The following RNF130 variants were observed in gnomAD, a reference collection of about 807,000 sequenced individuals.
The protein encoded by RNF130 is ring finger protein 130, also known as E3 ubiquitin-protein ligase RNF130.
A neutral mutation model predicts 44.6 loss-of-function variants in RNF130; 21 were observed. The ratio of observed to expected loss-of-function variants is 0.47; its 90% CI spans 0.33 to 0.68. The LOEUF is 0.68. Ranked by LOEUF, RNF130 falls within the 30% of genes least tolerant of loss-of-function variation. The pLI is 0.02. For synonymous variants in RNF130, 214 were observed against 210.4 expected (o/e 1.02, Z -0.15); for missense variants, 479 against 560.6 (o/e 0.85, Z 1.47).
chr5:180,003,474 T>A (rs562510315), intron 3 of RNF130, among the ~76,000 whole-genome samples: 263 of 152,348 alleles, frequency 1.7e-3, no homozygotes, highest in Non-Finnish European at 2.8e-3. Flanking sequence ...AAATATCTCT[T>A]CTCTGTGTTA....
chr5:179,915,104 G>A (rs1761523643), exon 8 of RNF130: 1 of 151,568 alleles, frequency 6.6e-6, no homozygotes, highest in Non-Finnish European at 1.5e-5. Context: ...GAGGCAGGTG[G>A]ATCATTTGAG....
intron 3 of RNF130, among the ~76,000 whole-genome samples, chr5:179,988,906 T>C (rs1414632071): frequency 4.6e-5 from 7 of 152,220 alleles, no homozygotes; most frequent in South Asian, 2.1e-4. Flanking sequence ...ATTTGGTATA[T>C]AGTACAGTTC....
chr5:179,966,680 C>T lies in RNF130; in HGVS notation c.1150+126G>A, dbSNP rs1762455822. On this transcript the variant is annotated intron_variant, in intron 7 of 8. Transcript: ENST00000521389. ...TTCCAAATACCTGTTTTAACAGCAA[C>T]ACACATCACTTTCTTGGTTACAGTC... The T allele has an allele frequency of 1.2e-5, 9 of 752,464 alleles. No individual in the cohort carries two copies. The South Asian group carries it at 1.6e-4, about 13-fold the overall frequency. 46.6% of individuals were successfully genotyped at this position (752,464 alleles called of 1,614,324 possible).
At chr5:180,058,302 G>GT (rs1282810526) in intron 1 of RNF130, among the ~76,000 whole-genome samples, 1 of 152,184 alleles carries the variant, frequency 6.6e-6, no homozygotes, top group African/African-American at 2.4e-5. Flanking sequence ...ATTTTTCAGT[G>GT]TATGTTACAG....
At chr5:180,070,989 C>G (rs888006460) in intron 1 of RNF130, among the ~76,000 whole-genome samples, 1 of 151,562 alleles carries the variant, frequency 6.6e-6, no homozygotes, top group Non-Finnish European at 1.5e-5. Context: ...ACACCCCCCC[C>G]CCAATTTACC....
chr5:180,054,170 A>G (rs1457039969), intron 1 of RNF130, among the ~76,000 whole-genome samples: 1 of 152,160 alleles, frequency 6.6e-6, no homozygotes, highest in Non-Finnish European at 1.5e-5. Flanking sequence ...TCATTTCAGT[A>G]GAACAGCTGT....
intron 7 of RNF130, among the ~76,000 whole-genome samples, chr5:179,931,625 C>T (rs535206813): frequency 1.0e-3 from 158 of 152,066 alleles, no homozygotes; most frequent in African/African-American, 3.6e-3. Context: ...AAAAATTAGC[C>T]GGGCGTGGTG....
At chr5:180,048,049 G>A (rs1043337822) in intron 1 of RNF130, among the ~76,000 whole-genome samples, 13 of 151,050 alleles carry the variant, frequency 8.6e-5, no homozygotes, top group Middle Eastern at 3.2e-3. Flanking sequence ...ATCTCATGCT[G>A]AGCAGCCCTC....
At chr5:179,975,732 GAAA>G (rs929098751) in intron 5 of RNF130, among the ~76,000 whole-genome samples, 1 of 152,152 alleles carries the variant, frequency 6.6e-6, no homozygotes, top group African/African-American at 2.4e-5. Context: ...ACCCAGTACT[GAAA>G]GACAACCAAG....
downstream of RNF130, among the ~76,000 whole-genome samples, chr5:179,952,699 T>C (rs1434709819): frequency 6.6e-6 from 1 of 152,226 alleles, no homozygotes; most frequent in Admixed American, 6.5e-5. Flanking sequence ...AAAATCAATG[T>C]AATGCACCAC....
chr5:179,947,889 TGCATGTA>T (rs766364411), intron 7 of RNF130, among the ~76,000 whole-genome samples: 111 of 152,304 alleles, frequency 7.3e-4, no homozygotes, highest in Non-Finnish European at 8.4e-4. Flanking sequence ...AGACCATATA[TGCATGTA>T]AGAATATGGG....
At chr5:180,050,532 A>T (rs978219633) in intron 1 of RNF130, among the ~76,000 whole-genome samples, 5 of 152,212 alleles carry the variant, frequency 3.3e-5, no homozygotes, top group African/African-American at 1.2e-4. Context: ...TGTCTGACCA[A>T]GTATGTGGGC....
intron 1 of RNF130, among the ~76,000 whole-genome samples, chr5:180,045,464 T>G (rs1376734725): frequency 6.6e-6 from 1 of 152,188 alleles, no homozygotes; most frequent in Non-Finnish European, 1.5e-5. Context: ...ACCCAAACAG[T>G]GAGCAGCAGC....
downstream of RNF130, among the ~76,000 whole-genome samples, chr5:179,954,888 T>A (rs1447427139): frequency 6.6e-6 from 1 of 152,236 alleles, no homozygotes; most frequent in Non-Finnish European, 1.5e-5. Flanking sequence ...AAGCATATAA[T>A]TCGATGTAAC....
chr5:179,968,111 C>G (rs567754458), intron 6 of RNF130, among the ~76,000 whole-genome samples: 2 of 151,128 alleles, frequency 1.3e-5, no homozygotes, highest in Admixed American at 6.6e-5. Context: ...CTGGCTAACA[C>G]GGTGAAACCC....
chr5:179,920,378 T>C, exon 8 of RNF130: 3 of 702,482 alleles, frequency 4.3e-6, no homozygotes, highest in East Asian at 2.7e-5. Flanking sequence ...TTCACTTTCA[T>C]ACACCAGACT....
At chr5:179,935,885 G>A (rs1227177108) in intron 7 of RNF130, among the ~76,000 whole-genome samples, 1 of 152,052 alleles carries the variant, frequency 6.6e-6, no homozygotes, top group Non-Finnish European at 1.5e-5. Flanking sequence ...AAGCATGTTA[G>A]AGCAGTTTTA....
chr5:179,912,970 C>T (rs532439911), exon 8 of RNF130: 10 of 152,436 alleles, frequency 6.6e-5, no homozygotes, highest in South Asian at 2.1e-4. Context: ...GGCGATGATC[C>T]GCGGATGGGT....
At chr5:180,045,559 CCTG>C (rs1486777163) in intron 1 of RNF130, among the ~76,000 whole-genome samples, 4 of 152,100 alleles carry the variant, frequency 2.6e-5, no homozygotes, top group African/African-American at 4.8e-5. Context: ...GCTCGGGCAG[CCTG>C]CTTTTATTCC....
Sources: gnomAD v4.1 joint callset for allele counts (sites outside exome capture counted in the v4.1 genomes callset) on GRCh38, gnomAD v4.1.1 for gene constraint, MANE v1.5 for transcripts, NCBI Gene and HGNC (gene_info 2026-07-23, HGNC 2026-07-21) for gene names.